STK39: variants seen among roughly 807,000 people sequenced by gnomAD.
The protein encoded by STK39 is serine/threonine kinase 39.
Under a neutral mutation model 77.8 loss-of-function variants are expected in STK39, and 20 were observed. The observed-to-expected ratio is 0.26, with a 90% CI of 0.18 to 0.37. The LOEUF is 0.37. Ranked by LOEUF, STK39 falls within the 10% of genes least tolerant of loss-of-function variation. The pLI, the probability that STK39 is intolerant of heterozygous loss-of-function variation, is 1.00. For missense variants in STK39, 479 were observed against 656.5 expected, an observed-to-expected ratio of 0.73 and a Z score of 2.95; for synonymous variants, 246 against 234.1, an observed-to-expected ratio of 1.05 and a Z score of -0.47.
At chr2:168,169,295 A>G (rs1688764775) in intron 2 of STK39, among the ~76,000 whole-genome samples, 1 of 152,136 alleles carries the variant, frequency 6.6e-6, no homozygotes, top group South Asian at 2.1e-4. Flanking sequence ...AGTCAATAGC[A>G]TCTGCTCAGT....
chr2:168,021,012 C>A (rs976939902), intron 14 of STK39, among the ~76,000 whole-genome samples: 3 of 152,048 alleles, frequency 2.0e-5, no homozygotes, highest in African/African-American at 7.2e-5. Context: ...AGTCCAATAA[C>A]AAAACAACCA....
intron 10 of STK39, among the ~76,000 whole-genome samples, chr2:168,128,599 A>G (rs901673995): frequency 6.6e-6 from 1 of 152,244 alleles, no homozygotes; most frequent in Non-Finnish European, 1.5e-5. Context: ...GACATTTCTT[A>G]AAGTCCACTT....
chr2:167,981,483 T>C (rs1683415755), intron 16 of STK39, among the ~76,000 whole-genome samples: 1 of 152,210 alleles, frequency 6.6e-6, no homozygotes, highest in East Asian at 1.9e-4. Context: ...CAAGGTAAAA[T>C]GTTTAAAGGG....
At chr2:168,222,956 T>C (rs1169091107) in intron 1 of STK39, among the ~76,000 whole-genome samples, 1 of 152,226 alleles carries the variant, frequency 6.6e-6, no homozygotes, top group Non-Finnish European at 1.5e-5. Context: ...TCCTCAGTGC[T>C]AACTGCTATT....
intron 1 of STK39, among the ~76,000 whole-genome samples, chr2:168,233,719 C>A (rs1320547550): frequency 6.6e-6 from 1 of 152,148 alleles, no homozygotes; most frequent in Admixed American, 6.6e-5. Context: ...AATTTCAGAA[C>A]TTCTTTGTAA....
At position 168,095,687 on chromosome 2, in the gene STK39, C is replaced by T. The variant is rs550225709; in HGVS notation, c.1090-20456G>A. Among the ~76,000 whole-genome samples the T allele has an allele frequency of 1.8e-4, 24 of 136,226 alleles. No individual in the cohort carries two copies. The East Asian group carries it at 3.9e-3, about 22-fold the overall frequency. 89.4% of individuals were successfully genotyped at this position (136,226 alleles called of 152,430 possible). ...TGTCGCCCAGGCTGGAGTGCAGTGG[C>T]GCGATCTCAGCTCACTGCAAGCTCC... is the stretch of plus-strand genomic sequence containing the variant. On this transcript the variant is annotated intron_variant, in intron 10 of 17. Transcript: ENST00000355999.
intron 8 of STK39, among the ~76,000 whole-genome samples, chr2:168,132,254 C>T (rs1336034191): frequency 6.6e-6 from 1 of 152,084 alleles, no homozygotes; most frequent in South Asian, 2.1e-4. Context: ...TGAAAAAACT[C>T]AAGGCCCTGG....
intron 1 of STK39, among the ~76,000 whole-genome samples, chr2:168,184,642 T>C (rs1689163399): frequency 1.5e-5 from 2 of 134,040 alleles, no homozygotes; most frequent in South Asian, 5.0e-4. Flanking sequence ...TTATTCCTTA[T>C]CTACCATTCT....
chr2:168,039,002 C>T (rs895516803), intron 14 of STK39, among the ~76,000 whole-genome samples: 1 of 152,076 alleles, frequency 6.6e-6, no homozygotes, highest in African/African-American at 2.4e-5. Context: ...TAAACACACA[C>T]CTACCACCTA....
At chr2:168,176,618 T>C (rs1013686652) in intron 2 of STK39, among the ~76,000 whole-genome samples, 3 of 152,162 alleles carry the variant, frequency 2.0e-5, no homozygotes, top group Non-Finnish European at 2.9e-5. Flanking sequence ...AGTGGCTTTG[T>C]TCTGAGGAAA....
chr2:168,211,314 T>C (rs985048653), intron 1 of STK39, among the ~76,000 whole-genome samples: 1 of 152,200 alleles, frequency 6.6e-6, no homozygotes, highest in African/African-American at 2.4e-5. Context: ...AGACTGCAAC[T>C]AGAGTGACTG....
intron 14 of STK39, among the ~76,000 whole-genome samples, chr2:168,036,183 C>T (rs1348109536): frequency 6.6e-6 from 1 of 151,494 alleles, no homozygotes; most frequent in African/African-American, 2.4e-5. Context: ...TCAGCGTGGG[C>T]GCCAATACCA....
intron 5 of STK39, among the ~76,000 whole-genome samples, chr2:168,153,781 G>C (rs896908067): frequency 1.3e-5 from 2 of 152,136 alleles, no homozygotes; most frequent in African/African-American, 4.8e-5. Flanking sequence ...GCAAGGTAAG[G>C]AGGCCGATTT....
chr2:167,956,561 T>G (rs1354545517), intron 17 of STK39, among the ~76,000 whole-genome samples: 2 of 105,552 alleles, frequency 1.9e-5, no homozygotes, highest in Non-Finnish European at 3.6e-5. Context: ...AGACTCCACC[T>G]CAGAAAAAAA....
chr2:168,141,911 G>A (rs770004124), intron 5 of STK39, among the ~76,000 whole-genome samples: 9 of 151,994 alleles, frequency 5.9e-5, no homozygotes, highest in Non-Finnish European at 1.2e-4. Context: ...CATTGTAACT[G>A]GTTTCCTGAG....
intron 12 of STK39, among the ~76,000 whole-genome samples, chr2:168,070,576 C>A (rs532705024): frequency 8.7e-5 from 13 of 149,712 alleles, no homozygotes; most frequent in African/African-American, 3.2e-4. Context: ...GGTATATCTC[C>A]TAATGCTATC....
chr2:167,974,414 G>A (rs764328895), intron 16 of STK39, among the ~76,000 whole-genome samples: 29 of 152,138 alleles, frequency 1.9e-4, no homozygotes, highest in Admixed American at 5.2e-4. Context: ...GGCCCCTGAA[G>A]CATCTAAAAG....
chr2:168,138,213 C>T lies in STK39; in HGVS notation c.849G>A (p.Met283Ile). ...YHKYPPMKVL[M>I]LTLQNDPPTL... ...TGGGTGGATCATTTTGCAAAGTCAA[C>T]ATTAACACCTGCAGCAGAAACAAAC... is the stretch of plus-strand genomic sequence containing the variant. Residue 283 changes from methionine to isoleucine, a missense_variant, in exon 8 of 18, where the codon ATG (methionine) becomes ATA (isoleucine). Met to Ile is a conservative substitution (Grantham distance 10). Transcript: ENST00000355999. 5 of 1,611,666 alleles carry T rather than the reference C, an allele frequency of 3.1e-6. No individual in the cohort carries two copies. Among genetic ancestry groups the T allele is most frequent in the Non-Finnish European group, 4.2e-6 (5 of 1,178,708 alleles).
At chr2:168,086,494 AG>A (rs1282308132) in intron 10 of STK39, among the ~76,000 whole-genome samples, 1 of 152,224 alleles carries the variant, frequency 6.6e-6, no homozygotes, top group Non-Finnish European at 1.5e-5. Flanking sequence ...AAGCTCTACC[AG>A]TTCTGCTAAA....
Sources: gnomAD v4.1 joint callset for allele counts (sites outside exome capture counted in the v4.1 genomes callset) on GRCh38, gnomAD v4.1.1 for gene constraint, MANE v1.5 for transcripts, NCBI Gene and HGNC (gene_info 2026-07-23, HGNC 2026-07-21) for gene names.